Variants in ESRRG observed in about 807,000 individuals in gnomAD.
ESRRG encodes the protein estrogen related receptor gamma.
A neutral mutation model predicts 44.0 loss-of-function variants in ESRRG; 13 were observed. That is an observed-to-expected ratio of 0.30 (90% CI 0.19 to 0.47). ESRRG has a LOEUF of 0.47. Among genes scored for constraint, ESRRG ranks in the 20% least tolerant of loss-of-function variants. The pLI is 1.00. For synonymous variants in ESRRG, 215 were observed against 214.6 expected (o/e 1.00, Z -0.02); for missense variants, 395 against 580.6 (o/e 0.68, Z 3.29).
intron 3 of ESRRG, among the ~76,000 whole-genome samples, chr1:216,578,698 C>T (rs2062143273): frequency 6.6e-6 from 1 of 152,026 alleles, no homozygotes; most frequent in African/African-American, 2.4e-5. Context: ...CTTAAATATT[C>T]ATGAGGAAAG....
intron 1 of ESRRG, among the ~76,000 whole-genome samples, chr1:216,973,683 G>A (rs950424335): frequency 1.3e-5 from 2 of 152,022 alleles, no homozygotes; most frequent in African/African-American, 4.8e-5. Flanking sequence ...AAAATTAGCT[G>A]GGTGTGGCGG....
chr1:216,713,094 A>G, intron 1 of ESRRG, among the ~76,000 whole-genome samples: 1 of 152,194 alleles, frequency 6.6e-6, no homozygotes, highest in African/African-American at 2.4e-5. Flanking sequence ...CAGTGATCTC[A>G]TTGAGAGTAA....
chr1:217,023,182 TA>T (rs1252308922), intron 1 of ESRRG, among the ~76,000 whole-genome samples: 1 of 152,180 alleles, frequency 6.6e-6, no homozygotes, highest in Non-Finnish European at 1.5e-5. Context: ...AATGTGTCTC[TA>T]AAAGATTCCC....
At chr1:216,912,188 G>GAAA (rs2060507012) in intron 2 of ESRRG, among the ~76,000 whole-genome samples, 5 of 9,512 alleles carry the variant, frequency 5.3e-4, no homozygotes, top group Non-Finnish European at 8.3e-4. Flanking sequence ...AAGAAAAGGA[G>GAAA]AGGAGAGGAG....
At chr1:216,841,787 G>A (rs34336726) in intron 2 of ESRRG, among the ~76,000 whole-genome samples, 3,418 of 152,154 alleles carry the variant, frequency 0.022, 58 homozygotes, top group Non-Finnish European at 0.037. Context: ...GCACATGTTG[G>A]TTCATCTGGG....
chr1:216,733,101 AT>A (rs2089198199), intron 2 of ESRRG, among the ~76,000 whole-genome samples: 1 of 151,998 alleles, frequency 6.6e-6, no homozygotes, highest in South Asian at 2.1e-4. Context: ...AAACTACCAT[AT>A]TTGCTTACAG....
intron 5 of ESRRG, among the ~76,000 whole-genome samples, chr1:216,546,900 C>T (rs2054678476): frequency 6.6e-6 from 1 of 151,748 alleles, no homozygotes; most frequent in Non-Finnish European, 1.5e-5. Context: ...TGGTTTGCTG[C>T]ACCCGTCAAA....
intron 2 of ESRRG, among the ~76,000 whole-genome samples, chr1:216,874,720 A>C (rs960582300): frequency 1.3e-5 from 2 of 152,212 alleles, no homozygotes; most frequent in Admixed American, 1.3e-4. Flanking sequence ...TTGTCAAAGG[A>C]GATTAACATT....
chr1:216,780,385 A>G (rs925630865), intron 2 of ESRRG, among the ~76,000 whole-genome samples: 1 of 152,032 alleles, frequency 6.6e-6, no homozygotes, highest in African/African-American at 2.4e-5. Context: ...ATCAGGATGG[A>G]CCCTGGGAAT....
intron 1 of ESRRG, among the ~76,000 whole-genome samples, chr1:217,015,004 A>C (rs905563674): frequency 6.6e-6 from 1 of 152,118 alleles, no homozygotes; most frequent in East Asian, 1.9e-4. Flanking sequence ...AAAAATGACC[A>C]AAAAAAGCAG....
At chr1:217,123,480 A>G (rs928013412) in intron 1 of ESRRG, among the ~76,000 whole-genome samples, 3 of 152,148 alleles carry the variant, frequency 2.0e-5, no homozygotes, top group Admixed American at 6.5e-5. Flanking sequence ...ACTATTCACA[A>G]TAACAAAGAC....
intron 5 of ESRRG, among the ~76,000 whole-genome samples, chr1:216,545,490 T>C (rs924086487): frequency 6.6e-6 from 1 of 152,098 alleles, no homozygotes. Flanking sequence ...ATGTTATTTG[T>C]ATAAATTCAT....
chr1:217,047,990 T>C (rs527480802), intron 1 of ESRRG, among the ~76,000 whole-genome samples: 1 of 152,106 alleles, frequency 6.6e-6, no homozygotes, highest in Non-Finnish European at 1.5e-5. Context: ...AAGAAATATG[T>C]GTAGTAGCTC....
chr1:216,737,082 T>C (rs1180367925), intron 2 of ESRRG, among the ~76,000 whole-genome samples: 1 of 152,106 alleles, frequency 6.6e-6, no homozygotes, highest in Admixed American at 6.5e-5. Flanking sequence ...ATAAATAAAG[T>C]GATGCTGGCT....
intron 2 of ESRRG, among the ~76,000 whole-genome samples, chr1:216,797,427 A>G (rs2094500155): frequency 6.6e-6 from 1 of 152,218 alleles, no homozygotes; most frequent in South Asian, 2.1e-4. Flanking sequence ...ATAAGCGGGA[A>G]CTATGTTCTG....
At chr1:216,670,890 G>A (rs1022998906) in intron 2 of ESRRG, among the ~76,000 whole-genome samples, 3 of 152,126 alleles carry the variant, frequency 2.0e-5, no homozygotes, top group African/African-American at 4.8e-5. Context: ...TTGTTCCTTG[G>A]AGTCAAAGAC....
chr1:216,854,137 T>A (rs2095881497), intron 2 of ESRRG, among the ~76,000 whole-genome samples: 1 of 151,512 alleles, frequency 6.6e-6, no homozygotes, highest in South Asian at 2.1e-4. Flanking sequence ...AGCGGGTGGA[T>A]CATGAGGTCA....
At chr1:217,076,360 A>C (rs1336086229) in intron 1 of ESRRG, among the ~76,000 whole-genome samples, 1 of 152,200 alleles carries the variant, frequency 6.6e-6, no homozygotes, top group Non-Finnish European at 1.5e-5. Flanking sequence ...TAAAATAAGC[A>C]TAGCAGATAA....
chr1:216,551,396 A>G (rs534059686), intron 5 of ESRRG, among the ~76,000 whole-genome samples: 19 of 152,174 alleles, frequency 1.2e-4, no homozygotes, highest in Non-Finnish European at 2.2e-4. Context: ...CCATATTCAG[A>G]TGTCTCAAAA....
Sources: gnomAD v4.1 joint callset for allele counts (sites outside exome capture counted in the v4.1 genomes callset) on GRCh38, gnomAD v4.1.1 for gene constraint, MANE v1.5 for transcripts, NCBI Gene and HGNC (gene_info 2026-07-23, HGNC 2026-07-21) for gene names.